The following FAT3 variants were observed in gnomAD, a reference collection of about 807,000 sequenced individuals.
FAT3 encodes protocadherin Fat 3.
A neutral mutation model predicts 310.2 loss-of-function variants in FAT3; 95 were observed. The ratio of observed to expected loss-of-function variants is 0.31; its 90% CI spans 0.26 to 0.36. The LOEUF is 0.36. Ranked by LOEUF, FAT3 falls within the 10% of genes least tolerant of loss-of-function variation. FAT3 has a pLI of 1.00. For synonymous variants in FAT3, 2,314 were observed against 2,192.9 expected (o/e 1.06, Z -1.54); for missense variants, 5,408 against 5,715.6 (o/e 0.95, Z 1.74).
chr11:92,679,788 G>A (rs1325667628), intron 3 of FAT3, among the ~76,000 whole-genome samples: 1 of 133,618 alleles, frequency 7.5e-6, no homozygotes, highest in Non-Finnish European at 1.5e-5. Flanking sequence ...TTTGCAGTGA[G>A]CCGAGATTGT....
intron 2 of FAT3, among the ~76,000 whole-genome samples, chr11:92,430,204 A>G (rs768366189): frequency 3.9e-5 from 6 of 152,164 alleles, no homozygotes; most frequent in Non-Finnish European, 5.9e-5. Context: ...CAAAGTCCTC[A>G]TGCTGTGTTT....
chr11:92,787,133 CA>C (rs1438462554), intron 7 of FAT3, among the ~76,000 whole-genome samples: 4 of 152,114 alleles, frequency 2.6e-5, no homozygotes, highest in Non-Finnish European at 5.9e-5. Context: ...CCCCGGAAGA[CA>C]AAACCCTCCC....
chr11:92,866,061 A>G (rs1037980964), intron 21 of FAT3, among the ~76,000 whole-genome samples: 1 of 152,236 alleles, frequency 6.6e-6, no homozygotes, highest in Non-Finnish European at 1.5e-5. Flanking sequence ...CTAAAGGCCT[A>G]TTTTAAGAAT....
At chr11:92,289,435 A>G (rs1946637654) in intron 1 of FAT3, among the ~76,000 whole-genome samples, 1 of 151,398 alleles carries the variant, frequency 6.6e-6, no homozygotes, top group South Asian at 2.1e-4. Context: ...TACTTCTGCC[A>G]TCTTACTTGT....
intron 17 of FAT3, among the ~76,000 whole-genome samples, chr11:92,839,684 G>A (rs1948489028): frequency 6.6e-6 from 1 of 152,150 alleles, no homozygotes; most frequent in Non-Finnish European, 1.5e-5. Flanking sequence ...TAGGTCGATG[G>A]CATCAGGAGG....
chr11:92,725,932 A>G (rs2135985240), intron 4 of FAT3, among the ~76,000 whole-genome samples: 1 of 152,188 alleles, frequency 6.6e-6, no homozygotes, highest in Admixed American at 6.5e-5. Flanking sequence ...TTAGTTTTTA[A>G]AAATTTATCA....
chr11:92,835,042 G>C lies in FAT3; in HGVS notation c.10044G>C (p.Ala3348=). 6.2e-7 allele frequency: 1 copy of C among 1,613,538 alleles called. No individual in the cohort carries two copies. The highest frequency in any genetic ancestry group is 1.1e-5 in the South Asian group (1 of 90,946). The change falls in exon 15 of 28, where the codon GCG becomes GCC. Residue 3348 remains alanine (A), a synonymous_variant. Coordinates refer to ENST00000525166, the MANE Select transcript of FAT3 (RefSeq NM_001367949.2). The stretch of plus-strand genomic sequence containing the variant: ...AGTTCAGCCAAGACGTCTACAGTGC[G>C]GTTATCAGTGAAGACGCCTTGGTGG... The part of the protein sequence containing the change: ...PPKFSQDVYS[A]VISEDALVGD...
chr11:92,254,620 G>A (rs758456918), intron 1 of FAT3, among the ~76,000 whole-genome samples: 1 of 152,054 alleles, frequency 6.6e-6, no homozygotes, highest in Non-Finnish European at 1.5e-5. Flanking sequence ...CTTATGGCAT[G>A]TTACCCTATG....
intron 2 of FAT3, among the ~76,000 whole-genome samples, chr11:92,458,480 T>G (rs1951555623): frequency 6.6e-6 from 1 of 152,188 alleles, no homozygotes; most frequent in Non-Finnish European, 1.5e-5. Context: ...ATGTTCATAT[T>G]AGAATGAGGT....
chr11:92,381,948 AT>A (rs1187333337), intron 2 of FAT3, among the ~76,000 whole-genome samples: 1 of 152,140 alleles, frequency 6.6e-6, no homozygotes, highest in East Asian at 1.9e-4. Flanking sequence ...TTTCAGCAGG[AT>A]TTTTGCTTCA....
chr11:92,598,908 C>T (rs182066841), intron 3 of FAT3, among the ~76,000 whole-genome samples: 1 of 152,154 alleles, frequency 6.6e-6, no homozygotes, highest in African/African-American at 2.4e-5. Flanking sequence ...AGCACAGATC[C>T]TAGTGCAAAA....
intron 11 of FAT3, 104 bp downstream of exon 11, chr11:92,805,453 C>A: frequency 8.0e-7 from 1 of 1,249,148 alleles, no homozygotes; most frequent in Non-Finnish European, 1.1e-6. Context: ...CTGCTCTTAT[C>A]TGCAATTGGG....
At position 92,843,958 on chromosome 11, in the gene FAT3, C is replaced by G; in HGVS notation, c.10591C>G (p.Gln3531Glu). ...VQAKDSGKPQQVSHTYIRVRV... is the reference protein window; with the variant it reads ...VQAKDSGKPQEVSHTYIRVRV... ...GGCAAAGGATTCAGGCAAACCCCAG[C>G]AAGTTTCTCACACTTACATCCGCGT... is the stretch of plus-strand genomic sequence containing the variant. Residue 3531 changes from glutamine to glutamate, a missense_variant, in exon 19 of 28, where the codon CAA (glutamine) becomes GAA (glutamate). By Grantham distance (29) the Gln-to-Glu change is conservative. Transcript: ENST00000525166. 7 of 1,607,322 alleles carry G rather than the reference C, an allele frequency of 4.4e-6. No individual in the cohort carries two copies. Among genetic ancestry groups the G allele is most frequent in the Non-Finnish European group, 6.0e-6 (7 of 1,175,146 alleles).
Position 92,889,268 on chromosome 11 carries a change from C to A in FAT3, c.13111+20C>A. 1 of 693,708 alleles carries A rather than the reference C, an allele frequency of 1.4e-6. No individual in the cohort carries two copies. Among genetic ancestry groups the A allele is most frequent in the South Asian group, 1.6e-5 (1 of 63,562 alleles). The allele number at this position is 693,708 out of a possible 1,614,324, so 43.0% of individuals were successfully genotyped here. ...ATGAAGGTATTTACTTTTTTTCTTCCATAGCATTTCTTGAAATTTTGCTTC... is the reference window on the plus strand; with the variant it reads ...ATGAAGGTATTTACTTTTTTTCTTCAATAGCATTTCTTGAAATTTTGCTTC... On this transcript the variant is annotated intron_variant, in intron 26 of 27. Transcript: ENST00000525166.
At chr11:92,351,659 A>G (rs1948570263) in intron 1 of FAT3, among the ~76,000 whole-genome samples, 1 of 135,522 alleles carries the variant, frequency 7.4e-6, no homozygotes, top group South Asian at 2.2e-4. Flanking sequence ...GGCATTTAGC[A>G]TCTCTTCATT....
intron 2 of FAT3, among the ~76,000 whole-genome samples, chr11:92,356,268 G>T (rs984411774): frequency 3.3e-5 from 5 of 152,068 alleles, no homozygotes; most frequent in African/African-American, 1.2e-4. Context: ...CTAGATTTTA[G>T]ATTGTAGACA....
At chr11:92,311,672 T>C (rs953247014) in intron 1 of FAT3, among the ~76,000 whole-genome samples, 7 of 152,148 alleles carry the variant, frequency 4.6e-5, no homozygotes, top group African/African-American at 1.7e-4. Context: ...GAGGACACTA[T>C]CAGTAAAAGA....
chr11:92,711,734 G>A (rs1468972692), intron 4 of FAT3, among the ~76,000 whole-genome samples: 1 of 152,126 alleles, frequency 6.6e-6, no homozygotes, highest in Non-Finnish European at 1.5e-5. Context: ...ATTAATTCAT[G>A]TCCTTTGAAA....
intron 1 of FAT3, among the ~76,000 whole-genome samples, chr11:92,327,912 C>G (rs1947808052): frequency 6.6e-6 from 1 of 152,166 alleles, no homozygotes; most frequent in Non-Finnish European, 1.5e-5. Context: ...TAAACAGTTA[C>G]AAAAAGATGG....
Sources: allele counts gnomAD v4.1 joint callset (sites outside exome capture counted in the v4.1 genomes callset), GRCh38; gene constraint gnomAD v4.1.1; transcripts MANE v1.5; gene names NCBI Gene and HGNC (gene_info 2026-07-23, HGNC 2026-07-21).